AFG2A: variants seen among roughly 807,000 people sequenced by gnomAD.
The protein encoded by AFG2A is ATPase family gene 2 protein homolog A.
At chr4:123,105,805 G>GTTATTTC in the AFG2A span, among the ~76,000 whole-genome samples, 2 of 152,202 alleles carry the variant, frequency 1.3e-5, no homozygotes, top group Admixed American at 1.3e-4. Flanking sequence ...TGGATGAGGA[G>GTTATTTC]TTATTTCTTA....
the AFG2A span, among the ~76,000 whole-genome samples, chr4:123,126,841 G>T: frequency 6.6e-6 from 1 of 152,132 alleles, no homozygotes; most frequent in Non-Finnish European, 1.5e-5. Flanking sequence ...TTAGCAGCAT[G>T]AGAAGGAACT....
the AFG2A span, among the ~76,000 whole-genome samples, chr4:123,098,872 T>A: frequency 6.6e-6 from 1 of 152,058 alleles, no homozygotes; most frequent in Admixed American, 6.6e-5. Context: ...TTCCTTTGGA[T>A]ATATACTCAA....
At chr4:123,295,597 C>T in the AFG2A span, among the ~76,000 whole-genome samples, 1 of 152,246 alleles carries the variant, frequency 6.6e-6, no homozygotes, top group Admixed American at 6.5e-5. Context: ...CCGTGGCTCA[C>T]GCCTGTAATC....
chr4:122,999,162 T>TG, the AFG2A span, among the ~76,000 whole-genome samples: 2 of 122,806 alleles, frequency 1.6e-5, no homozygotes, highest in African/African-American at 2.8e-5. Context: ...TGGGGTTGTT[T>TG]TTTTCTTGTA....
the AFG2A span, among the ~76,000 whole-genome samples, chr4:123,190,357 T>C: frequency 1.3e-5 from 2 of 152,342 alleles, no homozygotes; most frequent in East Asian, 3.9e-4. Context: ...TTTTGTTTCA[T>C]CAGCTTTCCA....
the AFG2A span, among the ~76,000 whole-genome samples, chr4:123,120,657 A>G: frequency 6.6e-6 from 1 of 152,098 alleles, no homozygotes; most frequent in Non-Finnish European, 1.5e-5. Context: ...AAAAATTCCT[A>G]TGGCTTAGTA....
At chr4:123,220,423 G>A in the AFG2A span, among the ~76,000 whole-genome samples, 9 of 151,236 alleles carry the variant, frequency 6.0e-5, no homozygotes, top group South Asian at 2.1e-4. Context: ...CAGCCTGGCC[G>A]ATGTGGTGAA....
the AFG2A span, among the ~76,000 whole-genome samples, chr4:123,017,315 A>ATAGT: frequency 6.8e-6 from 1 of 147,824 alleles, no homozygotes; most frequent in Admixed American, 6.7e-5. Flanking sequence ...GAGAGAGTCT[A>ATAGT]TAGTTGCCTT....
the AFG2A span, among the ~76,000 whole-genome samples, chr4:123,177,914 G>A: frequency 6.6e-6 from 1 of 152,102 alleles, no homozygotes; most frequent in African/African-American, 2.4e-5. Flanking sequence ...TTAATGGGCT[G>A]TGTTCTGGAA....
chr4:123,023,539 C>A, the AFG2A span, among the ~76,000 whole-genome samples: 1 of 152,128 alleles, frequency 6.6e-6, no homozygotes, highest in Non-Finnish European at 1.5e-5. Context: ...TCTTTCTTTG[C>A]CATTGTCACT....
chr4:122,969,238 T>C, the AFG2A span, among the ~76,000 whole-genome samples: 1 of 152,204 alleles, frequency 6.6e-6, no homozygotes, highest in African/African-American at 2.4e-5. Flanking sequence ...GTATATTTTC[T>C]CTTACCTTCT....
At chr4:123,192,394 C>T in the AFG2A span, among the ~76,000 whole-genome samples, 7 of 152,114 alleles carry the variant, frequency 4.6e-5, no homozygotes, top group Non-Finnish European at 8.8e-5. Context: ...CTGAAGTTTT[C>T]GACCTGACAT....
the AFG2A span, among the ~76,000 whole-genome samples, chr4:123,164,080 A>G: frequency 2.6e-5 from 4 of 152,146 alleles, no homozygotes; most frequent in Non-Finnish European, 4.4e-5. Flanking sequence ...ACATTTAACC[A>G]TGGTGTTCTT....
At chr4:123,017,063 A>C in the AFG2A span, among the ~76,000 whole-genome samples, 22 of 151,726 alleles carry the variant, frequency 1.4e-4, no homozygotes, top group South Asian at 4.4e-3. Flanking sequence ...GTGAGCCGAG[A>C]TGGCAGCAGT....
At chr4:122,946,720 CTTA>C in the AFG2A span, among the ~76,000 whole-genome samples, 2 of 151,868 alleles carry the variant, frequency 1.3e-5, no homozygotes, top group African/African-American at 4.8e-5. Flanking sequence ...ATTGTTGACT[CTTA>C]TTTTCAGGAA....
the AFG2A span, among the ~76,000 whole-genome samples, chr4:123,138,220 T>C: frequency 9.9e-5 from 15 of 152,210 alleles, no homozygotes; most frequent in Admixed American, 2.0e-4. Flanking sequence ...ATAAGAAAAC[T>C]GACTTGCAAA....
chr4:122,979,387 G>A, the AFG2A span: 1 of 1,613,690 alleles, frequency 6.2e-7, no homozygotes, highest in Non-Finnish European at 8.5e-7. Flanking sequence ...TGTCCCAAAT[G>A]TAAGTCATTT....
chr4:122,934,318 A>G, the AFG2A span: 1 of 1,614,174 alleles, frequency 6.2e-7, no homozygotes, highest in Non-Finnish European at 8.5e-7. Flanking sequence ...TCTGGAGGAT[A>G]CCCAGATCCC....
the AFG2A span, among the ~76,000 whole-genome samples, chr4:123,269,651 C>G: frequency 6.6e-6 from 1 of 152,026 alleles, no homozygotes; most frequent in Admixed American, 6.6e-5. Context: ...GTTTCTTTTC[C>G]CTTGTAAGTA....
Sources: allele counts gnomAD v4.1 joint callset (sites outside exome capture counted in the v4.1 genomes callset), GRCh38; gene constraint gnomAD v4.1.1; transcripts MANE v1.5; gene names NCBI Gene and HGNC (gene_info 2026-07-23, HGNC 2026-07-21).